DCC: variants seen among roughly 807,000 people sequenced by gnomAD.
DCC encodes DCC netrin 1 receptor, also known as netrin receptor DCC.
DCC carries 58 observed loss-of-function variants against 172.5 expected under a neutral mutation model. The observed-to-expected ratio is 0.34, with a 90% CI of 0.27 to 0.42. DCC has a LOEUF of 0.42. Among genes scored for constraint, DCC ranks in the 10% least tolerant of loss-of-function variants. The pLI, the probability that DCC is intolerant of heterozygous loss-of-function variation, is 1.00. For synonymous variants in DCC, 709 were observed against 644.5 expected (o/e 1.10, Z -1.52); for missense variants, 1,740 against 1,791.0 (o/e 0.97, Z 0.51).
intron 1 of DCC, among the ~76,000 whole-genome samples, chr18:52,602,096 C>G (rs1299619794): frequency 6.6e-6 from 1 of 152,036 alleles, no homozygotes; most frequent in Non-Finnish European, 1.5e-5. Context: ...TCCAACATAT[C>G]TTTCATTCTT....
At chr18:52,859,766 A>C (rs917908345) in intron 2 of DCC, among the ~76,000 whole-genome samples, 5 of 152,308 alleles carry the variant, frequency 3.3e-5, no homozygotes, top group African/African-American at 9.6e-5. Context: ...CCATCTCAAA[A>C]CAGGCCAAAG....
chr18:52,994,626 T>C (rs2041450803), intron 5 of DCC, among the ~76,000 whole-genome samples: 1 of 152,136 alleles, frequency 6.6e-6, no homozygotes, highest in Admixed American at 6.6e-5. Flanking sequence ...TTAAATTTAG[T>C]TGGAAAGATA....
chr18:53,138,680 A>G (rs2043783590), intron 7 of DCC, among the ~76,000 whole-genome samples: 1 of 152,212 alleles, frequency 6.6e-6, no homozygotes, highest in Non-Finnish European at 1.5e-5. Flanking sequence ...TGCCTTGTAG[A>G]CTGAAGAGAA....
intron 5 of DCC, among the ~76,000 whole-genome samples, chr18:52,963,057 T>TAACA (rs1422592600): frequency 0.012 from 1,769 of 151,590 alleles, 47 homozygotes; most frequent in African/African-American, 0.041. Context: ...TATACATATG[T>TAACA]AACCTGCACA....
intron 14 of DCC, among the ~76,000 whole-genome samples, chr18:53,330,568 A>G (rs1285391880): frequency 6.6e-6 from 1 of 152,106 alleles, no homozygotes; most frequent in Non-Finnish European, 1.5e-5. Context: ...TGATTTTTTC[A>G]GAACCAGATA....
chr18:52,681,604 G>A (rs1046722390), intron 1 of DCC, among the ~76,000 whole-genome samples: 4 of 152,068 alleles, frequency 2.6e-5, no homozygotes, highest in East Asian at 1.9e-4. Context: ...TTTTGTCAAC[G>A]TATATTAAAT....
intron 1 of DCC, among the ~76,000 whole-genome samples, chr18:52,432,921 C>T (rs1009754150): frequency 1.3e-5 from 2 of 152,124 alleles, no homozygotes; most frequent in Non-Finnish European, 2.9e-5. Flanking sequence ...TCCTGTGCTT[C>T]CATCTTTCAG....
At chr18:53,049,215 T>C (rs2042300972) in intron 5 of DCC, among the ~76,000 whole-genome samples, 1 of 152,144 alleles carries the variant, frequency 6.6e-6, no homozygotes, top group Non-Finnish European at 1.5e-5. Context: ...TTTTTGTTTC[T>C]ATTGCAATTG....
intron 1 of DCC, among the ~76,000 whole-genome samples, chr18:52,629,065 T>C (rs1013459615): frequency 6.6e-6 from 1 of 152,132 alleles, no homozygotes; most frequent in African/African-American, 2.4e-5. Flanking sequence ...ACAGAGGAGA[T>C]CTAGGGGAAT....
intron 3 of DCC, among the ~76,000 whole-genome samples, chr18:52,906,916 G>A (rs960093233): frequency 1.3e-5 from 2 of 151,566 alleles, no homozygotes; most frequent in African/African-American, 4.8e-5. Context: ...TTACTATTTA[G>A]GCTCTGAGCA....
At position 53,499,453 on chromosome 18, in the gene DCC, C is replaced by A; in HGVS notation, c.4054C>A (p.Pro1352Thr). The A allele has an allele frequency of 8.7e-6, 14 of 1,614,142 alleles. No individual in the cohort carries two copies. Among genetic ancestry groups the A allele is most frequent in the Non-Finnish European group, 1.2e-5 (14 of 1,180,018 alleles). Residue 1352 changes from proline to threonine, a missense_variant, in exon 27 of 29, where the codon CCA becomes ACA. Transcript: ENST00000442544. ...LRSFANPLLP[P>T]PMSAIEPKVP... ...CAGCTTTGCTAATCCTTTGCTACCTCCACCAATGAGTGCAATAGAACCGAA... is the reference window on the plus strand; with the variant it reads ...CAGCTTTGCTAATCCTTTGCTACCTACACCAATGAGTGCAATAGAACCGAA...
chr18:53,156,381 G>T (rs1220848510), intron 7 of DCC, among the ~76,000 whole-genome samples: 1 of 151,980 alleles, frequency 6.6e-6, no homozygotes, highest in African/African-American at 2.4e-5. Flanking sequence ...CTACTCGGGA[G>T]CCTGAGGCAG....
chr18:52,602,159 T>C (rs1294231015), intron 1 of DCC, among the ~76,000 whole-genome samples: 1 of 152,124 alleles, frequency 6.6e-6, no homozygotes, highest in Non-Finnish European at 1.5e-5. Context: ...TAATTTCTAA[T>C]GAGCACAAAT....
At chr18:52,791,332 A>AGGG (rs1010879693) in intron 2 of DCC, among the ~76,000 whole-genome samples, 4 of 152,176 alleles carry the variant, frequency 2.6e-5, no homozygotes, top group African/African-American at 9.6e-5. Context: ...AATGCACCCC[A>AGGG]GGGGAGTGCA....
chr18:52,737,627 G>A (rs943513995), intron 1 of DCC, among the ~76,000 whole-genome samples: 1 of 152,172 alleles, frequency 6.6e-6, no homozygotes, highest in East Asian at 1.9e-4. Context: ...GGACACAGTG[G>A]GCATATCCAG....
intron 9 of DCC, among the ~76,000 whole-genome samples, chr18:53,203,201 T>TTG (rs66474118): frequency 0.13 from 16,477 of 125,104 alleles, 1,224 homozygotes; most frequent in African/African-American, 0.25. Context: ...ATAGATTCTC[T>TTG]TGTGTGTGTG....
chr18:53,178,277 A>G (rs570973740), intron 8 of DCC, among the ~76,000 whole-genome samples: 2 of 152,362 alleles, frequency 1.3e-5, no homozygotes, highest in East Asian at 1.9e-4. Flanking sequence ...AACCATGATC[A>G]GTAGATTAAT....
At chr18:52,658,507 T>C (rs1316034866) in intron 1 of DCC, among the ~76,000 whole-genome samples, 1 of 152,152 alleles carries the variant, frequency 6.6e-6, no homozygotes, top group Admixed American at 6.5e-5. Flanking sequence ...AGGCAAAATA[T>C]TTTCAATTTG....
chr18:53,460,538 T>C (rs1210244583), intron 24 of DCC, among the ~76,000 whole-genome samples: 1 of 150,802 alleles, frequency 6.6e-6, no homozygotes, highest in Non-Finnish European at 1.5e-5. Flanking sequence ...GGTGTTTGGT[T>C]TTTTGTTCTT....
Sources: allele counts gnomAD v4.1 joint callset (sites outside exome capture counted in the v4.1 genomes callset), GRCh38; gene constraint gnomAD v4.1.1; transcripts MANE v1.5; gene names NCBI Gene and HGNC (gene_info 2026-07-23, HGNC 2026-07-21).